Variants in RAD51B observed in about 807,000 individuals in gnomAD.
RAD51B encodes RAD51 paralog B, also known as DNA repair protein RAD51 homolog 2.
Under a neutral mutation model 42.2 loss-of-function variants are expected in RAD51B, and 38 were observed. That is an observed-to-expected ratio of 0.90 (90% confidence interval 0.70 to 1.18). The LOEUF is 1.18. RAD51B is among the 50% of genes most tolerant of loss of function. The pLI is 0.00. For synonymous variants in RAD51B, 154 were observed against 145.2 expected (o/e 1.06, Z -0.43); for missense variants, 373 against 400.7 (o/e 0.93, Z 0.59).
intron 10 of RAD51B, among the ~76,000 whole-genome samples, chr14:68,607,313 C>A (rs1223835579): frequency 6.6e-6 from 1 of 152,216 alleles, no homozygotes; most frequent in Non-Finnish European, 1.5e-5. Context: ...AGTTTGAAAA[C>A]AACCTTCTTG....
intron 7 of RAD51B, among the ~76,000 whole-genome samples, chr14:68,268,532 T>G (rs993818717): frequency 2.6e-5 from 4 of 152,240 alleles, no homozygotes; most frequent in African/African-American, 9.6e-5. Context: ...AAAATGTCTG[T>G]TCACATCTCA....
At chr14:68,307,192 A>G (rs931344768) in intron 8 of RAD51B, among the ~76,000 whole-genome samples, 2 of 151,742 alleles carry the variant, frequency 1.3e-5, no homozygotes, top group Non-Finnish European at 2.9e-5. Flanking sequence ...TGATCCACAC[A>G]CTCTCCAGTG....
chr14:68,448,423 G>A (rs1372687376), intron 9 of RAD51B, among the ~76,000 whole-genome samples: 10 of 152,164 alleles, frequency 6.6e-5, no homozygotes, highest in African/African-American at 7.2e-5. Flanking sequence ...CTGGATTCCC[G>A]AGGCTTTCTG....
intron 11 of RAD51B, among the ~76,000 whole-genome samples, chr14:68,654,486 G>C (rs927972564): frequency 5.3e-5 from 8 of 152,156 alleles, no homozygotes; most frequent in African/African-American, 1.9e-4. Flanking sequence ...TGCTAATTTT[G>C]TCGCTGTCAG....
At chr14:67,993,847 T>C (rs2075337983) in intron 7 of RAD51B, among the ~76,000 whole-genome samples, 1 of 152,224 alleles carries the variant, frequency 6.6e-6, no homozygotes, top group African/African-American at 2.4e-5. Context: ...ATTATTACTT[T>C]GTTTTTTGTG....
In RAD51B at chr14:67,949,175, A is replaced by ATTGAC. The variant is rs540614536; in HGVS notation, c.756+61973_756+61977dup. 1.2e-4 allele frequency among the ~76,000 whole-genome samples: 19 copies of ATTGAC among 152,194 alleles called. No homozygotes were observed. In the South Asian group the frequency reaches 3.7e-3, roughly 30 times the overall value. ...AGTTCATTGAATGATGCTTGAATCAATTGACTCTTCCTTTCATGAAAGATT... is the reference window on the plus strand; with the variant it reads ...AGTTCATTGAATGATGCTTGAATCAATTGACTTGACTCTTCCTTTCATGAAAGATT... On this transcript the variant is annotated intron_variant, in intron 7 of 10. Transcript: ENST00000471583.
intron 10 of RAD51B, among the ~76,000 whole-genome samples, chr14:68,603,350 C>T (rs554286083): frequency 1.3e-5 from 2 of 152,284 alleles, no homozygotes; most frequent in South Asian, 4.1e-4. Flanking sequence ...AGAGCTATTT[C>T]CACAATCAGG....
intron 3 of RAD51B, 43 bp downstream of exon 3, chr14:67,825,620 C>A: frequency 7.0e-7 from 1 of 1,429,490 alleles, no homozygotes; most frequent in Non-Finnish European, 9.6e-7. Context: ...AATGATTCCT[C>A]ATCTCATTAA....
At chr14:68,391,136 G>GTCTTTCTTTCTT (rs36073427) in intron 8 of RAD51B, among the ~76,000 whole-genome samples, 13,700 of 141,488 alleles carry the variant, frequency 0.097, 809 homozygotes, top group African/African-American at 0.14. Flanking sequence ...TATGAGACTT[G>GTCTTTCTTTCTT]TCTTTCTTTC....
chr14:67,873,854 T>C (rs7157633), intron 5 of RAD51B, among the ~76,000 whole-genome samples: 143,233 of 144,636 alleles, frequency 0.99, 70,960 homozygotes, highest in Middle Eastern at 1. Context: ...AACCAGACAC[T>C]GCATATTCTC....
chr14:68,459,162 G>C (rs2085778590), intron 9 of RAD51B, among the ~76,000 whole-genome samples: 1 of 152,198 alleles, frequency 6.6e-6, no homozygotes, highest in Non-Finnish European at 1.5e-5. Flanking sequence ...TCCAGTCACA[G>C]ATCTTCCTGT....
rs182589398 is a variant in RAD51B at position 68,585,585 on chromosome 14, G to C, written c.1037-8900G>C. ...GAAGGGTAGGGAGGGGCTGGGGACA[G>C]GATGACCTGTCCCAGGTAAGGCCCC... On this transcript the variant is annotated intron_variant, in intron 10 of 10. Coordinates refer to the RAD51B transcript ENST00000487270. 2.6e-4 allele frequency among the ~76,000 whole-genome samples: 39 copies of C among 152,332 alleles called. No individual in the cohort carries two copies. The East Asian group carries it at 6.6e-3, about 26-fold the overall frequency.
intron 10 of RAD51B, among the ~76,000 whole-genome samples, chr14:68,527,060 G>A (rs1473177984): frequency 6.6e-6 from 1 of 152,202 alleles, no homozygotes; most frequent in Admixed American, 6.5e-5. Context: ...GCAGAACGGG[G>A]AGCTCAGGAA....
rs921010990 is a variant in RAD51B, at chr14:68,497,275, T to C, written c.1036+29025T>C. On this transcript the variant is annotated intron_variant, in intron 10 of 10. Transcript: ENST00000487270. The stretch of plus-strand genomic sequence containing the variant: ...GCTAAAACATTTGGTTGCTACTGTG[T>C]AGACTCAGCTTAAGTCATGGAATTC... 3.0e-6 allele frequency: 4 copies of C among 1,313,908 alleles called. No individual in the cohort carries two copies. In the East Asian group the frequency reaches 1.4e-4, roughly 47 times the overall value. 81.4% of individuals were successfully genotyped at this position (1,313,908 alleles called of 1,614,324 possible). A position where few individuals can be genotyped will look rare whatever the true frequency, so the allele number is the denominator to read the frequency against.
rs533167744 is a variant in RAD51B, at chr14:68,367,419, T to C, written c.854-44005T>C. On this transcript the variant is annotated intron_variant, in intron 8 of 10. Transcript: ENST00000471583. ...TTGGAAAAGCTGAGAATTTTAAAAT[T>C]CATTTATATTAATTAATTTGTTCAC... Among the ~76,000 whole-genome samples the C allele has an allele frequency of 3.9e-5, 6 of 152,328 alleles. No homozygotes were observed. In the East Asian group the frequency reaches 1.2e-3, roughly 29 times the overall value.
rs1028232203 is a variant in RAD51B at position 67,874,370 on chromosome 14, T to C, written c.452+9231T>C. On this transcript the variant is annotated intron_variant, in intron 5 of 10. Coordinates refer to ENST00000471583, the MANE Select transcript of RAD51B (RefSeq NM_133510.4). ...GCATACAGCCCAGGATGGCTTTGAA[T>C]GTGGCCCAACAAATTCATAAACTTT... Among the ~76,000 whole-genome samples the C allele has an allele frequency of 5.3e-5, 8 of 152,274 alleles. No individual in the cohort carries two copies. In the East Asian group the frequency reaches 7.7e-4, roughly 15 times the overall value.
chr14:68,006,110 C>T (rs767156290), intron 7 of RAD51B, among the ~76,000 whole-genome samples: 1 of 152,176 alleles, frequency 6.6e-6, no homozygotes, highest in Non-Finnish European at 1.5e-5. Flanking sequence ...CCACCAGGCC[C>T]CACCTCCAAC....
intron 4 of RAD51B, among the ~76,000 whole-genome samples, chr14:67,853,409 G>A (rs2139951468): frequency 6.6e-6 from 1 of 152,226 alleles, no homozygotes; most frequent in African/African-American, 2.4e-5. Flanking sequence ...TTTCATCTTG[G>A]TGTTGTAACT....
intron 7 of RAD51B, among the ~76,000 whole-genome samples, chr14:67,931,500 CTTTTTTT>C (rs539507230): frequency 8.5e-6 from 1 of 117,574 alleles, no homozygotes; most frequent in Admixed American, 8.9e-5. Flanking sequence ...TCTGGGATTT[CTTTTTTT>C]TTTTTTTTTT....
Sources: allele counts gnomAD v4.1 joint callset (sites outside exome capture counted in the v4.1 genomes callset), GRCh38; gene constraint gnomAD v4.1.1; transcripts MANE v1.5; gene names NCBI Gene and HGNC (gene_info 2026-07-23, HGNC 2026-07-21).